NKAIN2: variants seen among roughly 807,000 people sequenced by gnomAD.
NKAIN2 encodes sodium/potassium transporting ATPase interacting 2.
In NKAIN2, 14 loss-of-function variants were observed where a neutral mutation model predicts 32.6. The ratio of observed to expected loss-of-function variants is 0.43; its 90% CI spans 0.28 to 0.67. NKAIN2 has a LOEUF of 0.67. NKAIN2 is among the 30% of genes least tolerant of loss of function. The pLI is 0.17. For missense variants in NKAIN2, 198 were observed against 258.3 expected, an observed-to-expected ratio of 0.77 and a Z score of 1.60; for synonymous variants, 80 against 87.2, an observed-to-expected ratio of 0.92 and a Z score of 0.46.
At chr6:124,272,624 C>T (rs1374766365) in intron 1 of NKAIN2, among the ~76,000 whole-genome samples, 1 of 152,178 alleles carries the variant, frequency 6.6e-6, no homozygotes, top group African/African-American at 2.4e-5. Flanking sequence ...CCCACTGGCC[C>T]ACTGCCTAGT....
chr6:124,638,783 C>T (rs1339950881), intron 3 of NKAIN2, among the ~76,000 whole-genome samples: 1 of 144,372 alleles, frequency 6.9e-6, no homozygotes, highest in South Asian at 2.2e-4. Flanking sequence ...CCCAGCTACT[C>T]GGGAGGCTGG....
At chr6:124,638,877 G>A (rs1325342045) in intron 3 of NKAIN2, among the ~76,000 whole-genome samples, 1 of 97,638 alleles carries the variant, frequency 1.0e-5, no homozygotes, top group Non-Finnish European at 1.9e-5. Flanking sequence ...GGGGCAGAGT[G>A]AGACTCTGTC....
chr6:124,029,726 G>A (rs1410388118), intron 1 of NKAIN2, among the ~76,000 whole-genome samples: 10 of 152,118 alleles, frequency 6.6e-5, no homozygotes, highest in Admixed American at 6.6e-4. Context: ...TTGCCTGTTA[G>A]GAACCAGGCA....
chr6:124,373,920 T>C (rs1045210639), intron 3 of NKAIN2, among the ~76,000 whole-genome samples: 3 of 151,900 alleles, frequency 2.0e-5, no homozygotes, highest in African/African-American at 7.3e-5. Flanking sequence ...TGCTGAGAAA[T>C]AGGGATGCAG....
In NKAIN2 at chr6:123,804,100, G is replaced by A. The variant is rs1024264838; in HGVS notation, c.-101G>A. On this transcript the variant is annotated 5_prime_UTR_variant, in exon 1 of 7. Coordinates refer to ENST00000368417, the MANE Select transcript of NKAIN2 (RefSeq NM_001040214.3). ...AGCAGCCCGGAGCCCCCGAGCCCTC[G>A]GCAGGTTTGCGTGTCCTTCCCCGCG... 2 of 1,076,884 alleles carry A rather than the reference G, an allele frequency of 1.9e-6. No homozygotes were observed. Among genetic ancestry groups the A allele is most frequent in the African/African-American group, 3.1e-5 (2 of 64,632 alleles). 66.7% of individuals were successfully genotyped at this position (1,076,884 alleles called of 1,614,324 possible). A position where few individuals can be genotyped will look rare whatever the true frequency, so the allele number is the denominator to read the frequency against.
chr6:124,805,034 C>A (rs1780464631), intron 5 of NKAIN2, among the ~76,000 whole-genome samples: 1 of 152,234 alleles, frequency 6.6e-6, no homozygotes, highest in Non-Finnish European at 1.5e-5. Context: ...AGGAGGCCTG[C>A]CTGCCTCTGT....
At chr6:124,425,048 C>T (rs902777692) in intron 3 of NKAIN2, among the ~76,000 whole-genome samples, 8 of 152,018 alleles carry the variant, frequency 5.3e-5, no homozygotes, top group Non-Finnish European at 1.0e-4. Flanking sequence ...TAAATCTATA[C>T]ATATATGGCC....
intron 1 of NKAIN2, among the ~76,000 whole-genome samples, chr6:124,026,770 A>G (rs1048888845): frequency 6.6e-6 from 1 of 152,132 alleles, no homozygotes; most frequent in African/African-American, 2.4e-5. Context: ...TTAAAACAAA[A>G]CCGAAACCTG....
intron 3 of NKAIN2, among the ~76,000 whole-genome samples, chr6:124,364,634 C>A (rs1799441499): frequency 1.3e-5 from 2 of 151,756 alleles, no homozygotes; most frequent in African/African-American, 2.4e-5. Context: ...CTTTACCCTG[C>A]AAAAATATTC....
At chr6:124,661,636 C>A (rs1182747749) in intron 4 of NKAIN2, among the ~76,000 whole-genome samples, 1 of 152,158 alleles carries the variant, frequency 6.6e-6, no homozygotes, top group Non-Finnish European at 1.5e-5. Flanking sequence ...TCCAGCCGTG[C>A]AGAAAAGACT....
chr6:124,357,702 T>A (rs1416370906), intron 3 of NKAIN2, among the ~76,000 whole-genome samples: 1 of 152,180 alleles, frequency 6.6e-6, no homozygotes, highest in Non-Finnish European at 1.5e-5. Context: ...TCATAATGGA[T>A]ATTGGTAAGA....
At chr6:123,999,084 C>A (rs1204030929) in intron 1 of NKAIN2, among the ~76,000 whole-genome samples, 1 of 150,772 alleles carries the variant, frequency 6.6e-6, no homozygotes, top group East Asian at 2.0e-4. Context: ...TATTTACATG[C>A]ATAGAAATGA....
chr6:123,970,272 C>A (rs529494665), intron 1 of NKAIN2, among the ~76,000 whole-genome samples: 1 of 152,184 alleles, frequency 6.6e-6, no homozygotes, highest in South Asian at 2.1e-4. Flanking sequence ...GTCACAAAAT[C>A]AAATGGTAAG....
chr6:124,784,642 G>C (rs993072747), intron 4 of NKAIN2, among the ~76,000 whole-genome samples: 9 of 152,046 alleles, frequency 5.9e-5, no homozygotes, highest in South Asian at 2.1e-4. Context: ...AATGACGCTG[G>C]GGTTGCGCCC....
chr6:124,793,206 C>G (rs1392506607), intron 5 of NKAIN2, among the ~76,000 whole-genome samples: 1 of 151,910 alleles, frequency 6.6e-6, no homozygotes, highest in African/African-American at 2.4e-5. Context: ...GTATCTGATG[C>G]AAGTGAATGG....
chr6:123,937,465 A>G (rs1776568918), intron 1 of NKAIN2, among the ~76,000 whole-genome samples: 1 of 152,102 alleles, frequency 6.6e-6, no homozygotes, highest in African/African-American at 2.4e-5. Context: ...GAGCCCATGC[A>G]TTGACACTTA....
chr6:124,362,947 G>C (rs765002317), intron 3 of NKAIN2, among the ~76,000 whole-genome samples: 1 of 152,042 alleles, frequency 6.6e-6, no homozygotes, highest in Non-Finnish European at 1.5e-5. Context: ...TGATTCTCCT[G>C]CCTCAGCCTC....
intron 3 of NKAIN2, among the ~76,000 whole-genome samples, chr6:124,519,129 G>GA (rs1471768351): frequency 6.6e-6 from 1 of 152,144 alleles, no homozygotes; most frequent in African/African-American, 2.4e-5. Context: ...AGATCAGTTA[G>GA]AAAAAATCAG....
At chr6:124,618,608 A>T (rs1033736229) in intron 3 of NKAIN2, among the ~76,000 whole-genome samples, 7 of 152,236 alleles carry the variant, frequency 4.6e-5, no homozygotes, top group Non-Finnish European at 8.8e-5. Context: ...TCTCCAAATG[A>T]AAAGAGCCAT....
Sources: allele counts gnomAD v4.1 joint callset (sites outside exome capture counted in the v4.1 genomes callset), GRCh38; gene constraint gnomAD v4.1.1; transcripts MANE v1.5; gene names NCBI Gene and HGNC (gene_info 2026-07-23, HGNC 2026-07-21).